The following SV2C variants were observed in gnomAD, a reference collection of about 807,000 sequenced individuals.
SV2C encodes the protein synaptic vesicle glycoprotein 2C, also known as solute carrier family 22 member B3.
Under a neutral mutation model 79.7 loss-of-function variants are expected in SV2C, and 49 were observed. The observed-to-expected ratio is 0.61, with a 90% CI of 0.49 to 0.78. The LOEUF is 0.78. Among genes scored for constraint, SV2C ranks in the 30% least tolerant of loss-of-function variants. The probability of loss-of-function intolerance (pLI) is 0.00; values close to 1 mark genes in which losing one functional copy is unlikely to be tolerated. For synonymous variants in SV2C, 334 were observed against 333.2 expected (o/e 1.00, Z -0.03); for missense variants, 833 against 912.9 (o/e 0.91, Z 1.13).
At chr5:75,949,946 G>GA in the SV2C span, among the ~76,000 whole-genome samples, 1 of 152,084 alleles carries the variant, frequency 6.6e-6, no homozygotes, top group Non-Finnish European at 1.5e-5. Flanking sequence ...TAAGAAAAAC[G>GA]GGGAGTTAAG....
At chr5:76,073,428 A>T in the SV2C span, among the ~76,000 whole-genome samples, 1 of 149,200 alleles carries the variant, frequency 6.7e-6, no homozygotes, top group African/African-American at 2.5e-5. Context: ...ACAATTCGCA[A>T]TTGCAAAATA....
chr5:75,868,987 G>A, the SV2C span, among the ~76,000 whole-genome samples: 1 of 152,162 alleles, frequency 6.6e-6, no homozygotes, highest in Admixed American at 6.5e-5. Flanking sequence ...ATTCCCAAAT[G>A]TGGTGTGTGG....
At chr5:76,100,376 G>C (rs1747699876) in intron 1 of SV2C, among the ~76,000 whole-genome samples, 2 of 152,098 alleles carry the variant, frequency 1.3e-5, no homozygotes. Flanking sequence ...TTTCCTATGG[G>C]ATCATAAAAG....
At chr5:75,985,028 G>T in the SV2C span, among the ~76,000 whole-genome samples, 22 of 151,972 alleles carry the variant, frequency 1.4e-4, no homozygotes, top group African/African-American at 5.3e-4. Flanking sequence ...AAGGAAAGGG[G>T]TTTATTTGGC....
At chr5:75,895,947 G>T in the SV2C span, among the ~76,000 whole-genome samples, 1 of 151,946 alleles carries the variant, frequency 6.6e-6, no homozygotes, top group African/African-American at 2.4e-5. Context: ...AGATAGAACT[G>T]TTATTTATAT....
At chr5:76,026,821 CG>C in the SV2C span, among the ~76,000 whole-genome samples, 1 of 152,018 alleles carries the variant, frequency 6.6e-6, no homozygotes, top group Non-Finnish European at 1.5e-5. Flanking sequence ...GGTGCTACAA[CG>C]GGAAAGATTA....
chr5:76,134,150 G>A (rs762343073), intron 2 of SV2C, among the ~76,000 whole-genome samples: 2 of 152,092 alleles, frequency 1.3e-5, no homozygotes, highest in Non-Finnish European at 2.9e-5. Context: ...ATTTAGAAGT[G>A]TAGATAATGC....
At chr5:76,346,499 A>G (rs535305745) in intron 12 of SV2C, among the ~76,000 whole-genome samples, 2 of 152,240 alleles carry the variant, frequency 1.3e-5, no homozygotes, top group East Asian at 3.9e-4. Context: ...TAGGTGCCCT[A>G]CAAATTACCC....
chr5:76,122,742 A>G (rs1299477155), intron 1 of SV2C, among the ~76,000 whole-genome samples: 3 of 152,096 alleles, frequency 2.0e-5, no homozygotes, highest in Admixed American at 6.5e-5. Context: ...AGGGAAATTT[A>G]TAGCACTAAA....
the SV2C span, among the ~76,000 whole-genome samples, chr5:76,059,903 C>G: frequency 1.1e-4 from 16 of 152,208 alleles, no homozygotes; most frequent in Admixed American, 2.6e-4. Context: ...GATCTGTGGG[C>G]TGCAGAATGG....
Position 76,083,973 on chromosome 5 carries a change from T to C in SV2C, c.-102+461T>C, listed in dbSNP as rs890730696. ...TTCATAGCTGCCTTAGGCTCAACTT[T>C]TCGGCGGGGATCCCTCTGCAGACGT... On this transcript the variant is annotated intron_variant, in intron 1 of 12. Transcript: ENST00000502798. 3 of 152,072 alleles carry C rather than the reference T, an allele frequency of 2.0e-5. No homozygotes were observed. The South Asian group carries it at 6.2e-4, about 32-fold the overall frequency. 9.4% of individuals were successfully genotyped at this position (152,072 alleles called of 1,614,324 possible). A position where few individuals can be genotyped will look rare whatever the true frequency, so the allele number is the denominator to read the frequency against.
At chr5:76,237,793 G>A (rs1745655461) in intron 4 of SV2C, among the ~76,000 whole-genome samples, 1 of 152,002 alleles carries the variant, frequency 6.6e-6, no homozygotes, top group African/African-American at 2.4e-5. Flanking sequence ...TAAATCTGAT[G>A]CCTTTATGAT....
At chr5:75,921,797 T>C in the SV2C span, 1 of 295,044 alleles carries the variant, frequency 3.4e-6, no homozygotes, top group East Asian at 6.8e-5. Flanking sequence ...GTTGTGAAGA[T>C]TTAATAAACA....
chr5:76,026,811 G>A, the SV2C span, among the ~76,000 whole-genome samples: 6 of 152,110 alleles, frequency 3.9e-5, no homozygotes, highest in Admixed American at 2.6e-4. Context: ...AAGAGCAGAC[G>A]GTGCTACAAC....
intron 6 of SV2C, among the ~76,000 whole-genome samples, chr5:76,290,137 A>G (rs956366791): frequency 3.3e-5 from 5 of 152,236 alleles, no homozygotes; most frequent in Admixed American, 2.6e-4. Flanking sequence ...TAATTCCTAC[A>G]TGGATTATTT....
At chr5:76,255,568 A>T (rs1360464598) in intron 4 of SV2C, among the ~76,000 whole-genome samples, 4 of 151,974 alleles carry the variant, frequency 2.6e-5, no homozygotes, top group Non-Finnish European at 4.4e-5. Flanking sequence ...CCTAGCTTGG[A>T]TCTCTGTCTG....
chr5:76,121,603 C>T (rs1580282605), intron 1 of SV2C, among the ~76,000 whole-genome samples: 1 of 150,076 alleles, frequency 6.7e-6, no homozygotes. Flanking sequence ...CCAGTTTTCC[C>T]AGCACCATTT....
the SV2C span, among the ~76,000 whole-genome samples, chr5:76,006,444 C>T: frequency 6.6e-6 from 1 of 152,134 alleles, no homozygotes; most frequent in African/African-American, 2.4e-5. Context: ...GTTCATAAGT[C>T]ATTTTGGAAT....
At chr5:76,184,500 T>G (rs1262909416) in intron 2 of SV2C, among the ~76,000 whole-genome samples, 1 of 152,212 alleles carries the variant, frequency 6.6e-6, no homozygotes, top group African/African-American at 2.4e-5. Flanking sequence ...TGAGACTGAA[T>G]AATTTATAAA....
Sources: gnomAD v4.1 joint callset for allele counts (sites outside exome capture counted in the v4.1 genomes callset) on GRCh38, gnomAD v4.1.1 for gene constraint, MANE v1.5 for transcripts, NCBI Gene and HGNC (gene_info 2026-07-23, HGNC 2026-07-21) for gene names.